Variants in HTR1E observed in about 807,000 individuals in gnomAD.
HTR1E encodes 5-HT-1E.
HTR1E carries 3 observed loss-of-function variants against 3.4 expected under a neutral mutation model. That is an observed-to-expected ratio of 0.89 (90% CI 0.41 to 2.31). HTR1E has a LOEUF of 2.31. HTR1E is among the 30% of genes most tolerant of loss of function. The pLI, the probability that HTR1E is intolerant of heterozygous loss-of-function variation, is 0.05. For synonymous variants in HTR1E, 170 were observed against 182.8 expected, an observed-to-expected ratio of 0.93 and a Z score of 0.56; for missense variants, 392 against 467.0, an observed-to-expected ratio of 0.84 and a Z score of 1.48.
At chr6:86,985,233 T>C (rs1767768759) in intron 1 of HTR1E, among the ~76,000 whole-genome samples, 1 of 152,078 alleles carries the variant, frequency 6.6e-6, no homozygotes, top group Non-Finnish European at 1.5e-5. Context: ...AAATCAAGTA[T>C]ATTTTTAGGA....
intron 1 of HTR1E, among the ~76,000 whole-genome samples, chr6:87,002,514 T>C (rs552666085): frequency 6.6e-6 from 1 of 152,342 alleles, no homozygotes; most frequent in African/African-American, 2.4e-5. Context: ...AGAGTGCTGA[T>C]TGGTCCATTT....
chr6:86,987,640 C>T (rs779224670), intron 1 of HTR1E, among the ~76,000 whole-genome samples: 1 of 152,116 alleles, frequency 6.6e-6, no homozygotes, highest in Non-Finnish European at 1.5e-5. Context: ...GTGTCTTAGT[C>T]ATTTTGTGCT....
At chr6:87,010,814 G>A (rs575778901) in intron 1 of HTR1E, among the ~76,000 whole-genome samples, 2,384 of 151,744 alleles carry the variant, frequency 0.016, 65 homozygotes, top group African/African-American at 0.053. Flanking sequence ...CCTTGCCCTC[G>A]GGCCCCGCGG....
At chr6:86,986,471 T>A (rs1767789653) in intron 1 of HTR1E, among the ~76,000 whole-genome samples, 1 of 152,198 alleles carries the variant, frequency 6.6e-6, no homozygotes, top group Non-Finnish European at 1.5e-5. Context: ...TTTTAAATTC[T>A]AGGAAAATAA....
intron 1 of HTR1E, among the ~76,000 whole-genome samples, chr6:86,991,731 G>A (rs1767871943): frequency 6.6e-6 from 1 of 152,168 alleles, no homozygotes; most frequent in Non-Finnish European, 1.5e-5. Flanking sequence ...TAAACAAAGA[G>A]TTAAGGAAGG....
chr6:86,975,094 G>A (rs1767611813), intron 1 of HTR1E, among the ~76,000 whole-genome samples: 1 of 152,140 alleles, frequency 6.6e-6, no homozygotes, highest in Admixed American at 6.5e-5. Flanking sequence ...AGACTGCTCA[G>A]TGCACAAAAC....
rs369384056 is a variant in HTR1E at position 87,015,819 on chromosome 6, G to C, written c.485G>C (p.Ser162Thr). The C allele has an allele frequency of 6.2e-7, 1 of 1,613,484 alleles. No individual in the cohort carries two copies. The highest frequency in any genetic ancestry group is 8.5e-7 in the Non-Finnish European group (1 of 1,179,740). ...FISMPPLFWR[S>T]HRRLSPPPSQ... ...TCCATGCCCCCTCTGTTCTGGAGAA[G>C]CCACCGCCGCCTAAGCCCTCCCCCT... Residue 162 changes from serine to threonine, a missense_variant, in exon 2 of 2, where the codon AGC becomes ACC. Ser to Thr is a moderately conservative substitution (Grantham distance 58). Around this residue, in one of 3 missense-constraint regions of HTR1E, gnomAD observed 189 missense variants for 258.0 expected, o/e 0.73. Transcript: ENST00000305344.
At chr6:86,976,112 A>G (rs763095918) in intron 1 of HTR1E, among the ~76,000 whole-genome samples, 4 of 152,152 alleles carry the variant, frequency 2.6e-5, no homozygotes, top group Non-Finnish European at 4.4e-5. Flanking sequence ...AAGACTGATG[A>G]CAGAAACAAA....
intron 1 of HTR1E, among the ~76,000 whole-genome samples, chr6:86,976,992 C>A (rs1767647735): frequency 6.6e-6 from 1 of 152,176 alleles, no homozygotes. Context: ...TTTTAAGATG[C>A]TCTATTAACT....
At chr6:86,939,671 T>C (rs981861951) in intron 1 of HTR1E, among the ~76,000 whole-genome samples, 5 of 152,234 alleles carry the variant, frequency 3.3e-5, no homozygotes, top group Non-Finnish European at 7.3e-5. Flanking sequence ...TGAAGAGTAT[T>C]CAAATTAACA....
chr6:86,974,113 C>A (rs1191049506), intron 1 of HTR1E, among the ~76,000 whole-genome samples: 1 of 152,036 alleles, frequency 6.6e-6, no homozygotes, highest in African/African-American at 2.4e-5. Context: ...ATGTTTTTAC[C>A]TTTTTCATGT....
rs1768193617 is a variant in HTR1E at position 87,010,289 on chromosome 6, A to ACGGGGCGGCTGGCCGGG, written c.-185-4855_-185-4839dup. 2.9e-5 allele frequency among the ~76,000 whole-genome samples: 3 copies of ACGGGGCGGCTGGCCGGG among 104,644 alleles called. 1 individual carries two copies. The highest frequency in any genetic ancestry group is 1.3e-4 in the African/African-American group (3 of 23,052). The allele number at this position is 104,644 out of a possible 152,430, so 68.7% of individuals were successfully genotyped here. A position where few individuals can be genotyped will look rare whatever the true frequency, so the allele number is the denominator to read the frequency against. ...GGCAGAGGTGCCCCTCACCTCCCGG[A>ACGGGGCGGCTGGCCGGG]CGGGGCGGCTGGCCGGGCGGGGGGG... On this transcript the variant is annotated intron_variant, in intron 1 of 1. Coordinates refer to ENST00000305344, the MANE Select transcript of HTR1E (RefSeq NM_000865.3).
At chr6:86,971,304 C>T (rs1280337488) in intron 1 of HTR1E, 1 of 273,896 alleles carries the variant, frequency 3.7e-6, no homozygotes, top group Non-Finnish European at 7.0e-6. Flanking sequence ...AATACTTATT[C>T]TCTGTTAGAA....
intron 1 of HTR1E, among the ~76,000 whole-genome samples, chr6:87,010,307 C>CG (rs1331753929): frequency 5.9e-5 from 5 of 84,626 alleles, no homozygotes; most frequent in Admixed American, 1.3e-4. Flanking sequence ...GCTGGCCGGG[C>CG]GGGGGGGCTG....
intron 1 of HTR1E, chr6:87,000,397 A>C (rs1354875791): frequency 3.3e-5 from 5 of 152,246 alleles, no homozygotes; most frequent in Non-Finnish European, 7.3e-5. Context: ...AAGTACAAGA[A>C]GACGATTAAA....
At chr6:86,992,131 AC>A (rs1460430732) in intron 1 of HTR1E, among the ~76,000 whole-genome samples, 2 of 151,906 alleles carry the variant, frequency 1.3e-5, no homozygotes, top group Non-Finnish European at 2.9e-5. Context: ...AATCTCAACC[AC>A]CCGCTTGCCT....
chr6:86,987,459 CTTTA>C (rs1359092209), intron 1 of HTR1E, among the ~76,000 whole-genome samples: 2 of 151,962 alleles, frequency 1.3e-5, no homozygotes, highest in Non-Finnish European at 2.9e-5. Context: ...GTATAAGGAG[CTTTA>C]TCAGCACTAC....
At chr6:87,013,673 A>C (rs1379408108) in intron 1 of HTR1E, among the ~76,000 whole-genome samples, 1 of 152,098 alleles carries the variant, frequency 6.6e-6, no homozygotes, top group African/African-American at 2.4e-5. Context: ...AATGTAAAAA[A>C]AAGCCTTTTT....
intron 1 of HTR1E, among the ~76,000 whole-genome samples, chr6:86,985,860 A>G (rs1046283224): frequency 6.6e-6 from 1 of 152,208 alleles, no homozygotes; most frequent in African/African-American, 2.4e-5. Context: ...ACATTGCAAC[A>G]AGGTGAAATT....
Sources: allele counts gnomAD v4.1 joint callset (sites outside exome capture counted in the v4.1 genomes callset), GRCh38; gene constraint gnomAD v4.1.1; regional missense constraint gnomAD v4.1.1; transcripts MANE v1.5; gene names NCBI Gene and HGNC (gene_info 2026-07-23, HGNC 2026-07-21).